NOX4: variants seen among roughly 807,000 people sequenced by gnomAD.
NOX4 encodes the protein kidney oxidase-1.
Under a neutral mutation model 87.6 loss-of-function variants are expected in NOX4, and 69 were observed. The observed-to-expected ratio is 0.79, with a 90% confidence interval of 0.65 to 0.96. The LOEUF (loss-of-function observed/expected upper bound fraction) is 0.96, where lower values mean the gene tolerates loss of function less well. Ranked by LOEUF, NOX4 falls within the 40% of genes least tolerant of loss-of-function variation. The pLI, the probability that NOX4 is intolerant of heterozygous loss-of-function variation, is 0.00. For missense variants in NOX4, 680 were observed against 681.5 expected, an observed-to-expected ratio of 1.00 and a Z score of 0.02; for synonymous variants, 275 against 238.2, an observed-to-expected ratio of 1.15 and a Z score of -1.42.
At chr11:89,332,992 T>C (rs933338241) in intron 17 of NOX4, among the ~76,000 whole-genome samples, 1 of 151,898 alleles carries the variant, frequency 6.6e-6, no homozygotes, top group African/African-American at 2.4e-5. Flanking sequence ...TTAGTTTTTG[T>C]AGAGCAGTAC....
At chr11:89,525,924 C>T in the NOX4 span, among the ~76,000 whole-genome samples, 1 of 151,954 alleles carries the variant, frequency 6.6e-6, no homozygotes, top group African/African-American at 2.4e-5. Context: ...TCATCTTTTT[C>T]CCATATCAAT....
the NOX4 span, among the ~76,000 whole-genome samples, chr11:89,563,055 C>T: frequency 6.6e-6 from 1 of 152,152 alleles, no homozygotes; most frequent in Non-Finnish European, 1.5e-5. Context: ...CCTTCACCTT[C>T]TGCCATGATT....
At position 89,337,328 on chromosome 11, in the gene NOX4, G is replaced by A; in HGVS notation, c.1515+119C>T. 22 of 1,454,004 alleles carry A rather than the reference G, an allele frequency of 1.5e-5. 1 individual carries two copies. In the South Asian group the frequency reaches 2.9e-4, roughly 19 times the overall value. The allele number at this position is 1,454,004 out of a possible 1,614,324, so 90.1% of individuals were successfully genotyped here. A position where few individuals can be genotyped will look rare whatever the true frequency, so the allele number is the denominator to read the frequency against. On this transcript the variant is annotated intron_variant, in intron 16 of 17. Transcript: ENST00000263317. ...ACTTTCCTGGACATATTCCAAAGGAGGCTTTCCTCTAGGAAACTTCTGTTC... is the reference window on the plus strand; with the variant it reads ...ACTTTCCTGGACATATTCCAAAGGAAGCTTTCCTCTAGGAAACTTCTGTTC...
intron 7 of NOX4, 70 bp from the exon 8 acceptor site, chr11:89,422,052 A>G: frequency 2.5e-6 from 2 of 810,750 alleles, no homozygotes; most frequent in Non-Finnish European, 3.9e-6. Flanking sequence ...CAAAAATACC[A>G]TGTATCATTT....
At chr11:89,417,172 T>A (rs1364007090) in intron 8 of NOX4, among the ~76,000 whole-genome samples, 2 of 152,122 alleles carry the variant, frequency 1.3e-5, no homozygotes, top group African/African-American at 4.8e-5. Flanking sequence ...TACAATGCAT[T>A]CCCTCCACAT....
At chr11:89,493,382 CTA>C (rs1223283042), upstream of NOX4, among the ~76,000 whole-genome samples, 1 of 142,236 alleles carries the variant, frequency 7.0e-6, no homozygotes, top group Non-Finnish European at 1.5e-5. Context: ...GAGCAAGACT[CTA>C]TCTCAAAAAA....
At position 89,434,575 on chromosome 11, in the gene NOX4, C is replaced by T. The variant is rs1035365131; in HGVS notation, c.476-1719G>A. 5.3e-5 allele frequency among the ~76,000 whole-genome samples: 8 copies of T among 151,994 alleles called. No individual in the cohort carries two copies. In the South Asian group the frequency reaches 8.3e-4, roughly 16 times the overall value. On this transcript the variant is annotated intron_variant, in intron 6 of 17. Coordinates refer to ENST00000263317, the MANE Select transcript of NOX4 (RefSeq NM_016931.5). ...TACACTATTTTGGAAAAATAGCATGCCTGCAAAGTAACCCAGCCATTGCAC... is the reference window on the plus strand; with the variant it reads ...TACACTATTTTGGAAAAATAGCATGTCTGCAAAGTAACCCAGCCATTGCAC...
At chr11:89,463,160 C>T (rs11018621) in intron 2 of NOX4, among the ~76,000 whole-genome samples, 37 of 151,896 alleles carry the variant, frequency 2.4e-4, no homozygotes, top group African/African-American at 7.7e-4. Context: ...GTATGTAAAT[C>T]GTTTAATTGA....
the NOX4 span, among the ~76,000 whole-genome samples, chr11:89,571,936 G>A: frequency 6.6e-6 from 1 of 152,142 alleles, no homozygotes; most frequent in Non-Finnish European, 1.5e-5. Flanking sequence ...CCACTGCATT[G>A]TTTATGTAAA....
At chr11:89,468,833 C>A (rs949883551) in intron 2 of NOX4, among the ~76,000 whole-genome samples, 35 of 152,136 alleles carry the variant, frequency 2.3e-4, no homozygotes, top group African/African-American at 8.4e-4. Flanking sequence ...CAGCCTGGAG[C>A]TCCTGGGCTT....
At chr11:89,475,229 T>C (rs983432471) in intron 2 of NOX4, among the ~76,000 whole-genome samples, 6 of 151,904 alleles carry the variant, frequency 3.9e-5, no homozygotes, top group African/African-American at 1.4e-4. Context: ...TTAATGGTGG[T>C]TATGTGTGAG....
At chr11:89,460,630 A>T (rs1945417321) in intron 2 of NOX4, among the ~76,000 whole-genome samples, 1 of 152,208 alleles carries the variant, frequency 6.6e-6, no homozygotes, top group South Asian at 2.1e-4. Context: ...ACCAGTTAGA[A>T]TGGTGATCAT....
At chr11:89,445,378 G>A (rs1421199382) in intron 4 of NOX4, among the ~76,000 whole-genome samples, 1 of 151,958 alleles carries the variant, frequency 6.6e-6, no homozygotes, top group African/African-American at 2.4e-5. Context: ...AAGTGAGAGA[G>A]GATTAGAATG....
At chr11:89,449,049 T>A (rs1591284441) in intron 4 of NOX4, among the ~76,000 whole-genome samples, 3 of 152,128 alleles carry the variant, frequency 2.0e-5, no homozygotes, top group African/African-American at 7.2e-5. Flanking sequence ...TTGGATATCA[T>A]AATGTAAAAA....
chr11:89,371,283 A>C (rs1208472985), intron 12 of NOX4, among the ~76,000 whole-genome samples: 7 of 152,134 alleles, frequency 4.6e-5, no homozygotes, highest in African/African-American at 1.7e-4. Context: ...TCAAGTCAAC[A>C]ACAAAGAAGG....
intron 8 of NOX4, among the ~76,000 whole-genome samples, chr11:89,409,754 C>T (rs1294470412): frequency 6.6e-6 from 1 of 151,890 alleles, no homozygotes; most frequent in Non-Finnish European, 1.5e-5. Flanking sequence ...AACTTTATAT[C>T]TTAAAGATCA....
At chr11:89,453,058 T>C (rs1945039356) in intron 2 of NOX4, among the ~76,000 whole-genome samples, 1 of 152,046 alleles carries the variant, frequency 6.6e-6, no homozygotes, top group African/African-American at 2.4e-5. Flanking sequence ...AATAAAAAAT[T>C]AAAATTAAAA....
rs768755900 is a variant in NOX4, at chr11:89,448,711, G to A, written c.349+729C>T. On this transcript the variant is annotated intron_variant, in intron 4 of 17. Coordinates refer to ENST00000263317, the MANE Select transcript of NOX4 (RefSeq NM_016931.5). ...AGCCTGGGCAACATGGTGAAAGCCC[G>A]TCTCTACAAAAAAATACAAAAACTA... is the stretch of plus-strand genomic sequence containing the variant. Among the ~76,000 whole-genome samples, 105 of 151,726 alleles carry A rather than the reference G, an allele frequency of 6.9e-4. 1 individual carries two copies. Among genetic ancestry groups the A allele is most frequent in the Admixed American group, 4.1e-3 (62 of 15,196 alleles).
chr11:89,426,417 G>A (rs1943413657), intron 7 of NOX4, among the ~76,000 whole-genome samples: 1 of 152,050 alleles, frequency 6.6e-6, no homozygotes, highest in East Asian at 1.9e-4. Context: ...GCTGAAGCAG[G>A]GTGAGGCATC....
Sources: allele counts gnomAD v4.1 joint callset (sites outside exome capture counted in the v4.1 genomes callset), GRCh38; gene constraint gnomAD v4.1.1; transcripts MANE v1.5; gene names NCBI Gene and HGNC (gene_info 2026-07-23, HGNC 2026-07-21).